ARPC1B: variants seen among roughly 807,000 people sequenced by gnomAD.
ARPC1B encodes actin related protein 2/3 complex subunit 1B.
A neutral mutation model predicts 46.0 loss-of-function variants in ARPC1B; 29 were observed. The observed-to-expected ratio is 0.63, with a 90% confidence interval of 0.47 to 0.86. The LOEUF (loss-of-function observed/expected upper bound fraction) is 0.86. ARPC1B is among the 40% of genes least tolerant of loss of function. The pLI, the probability that ARPC1B is intolerant of heterozygous loss-of-function variation, is 0.00. For synonymous variants in ARPC1B, 201 were observed against 213.9 expected (o/e 0.94, Z 0.53); for missense variants, 469 against 529.4 (o/e 0.89, Z 1.12).
rs756864602 is a variant in ARPC1B, at chr7:99,391,158, T to C, written c.708-20T>C. 6.2e-7 allele frequency: 1 copy of C among 1,613,702 alleles called. No individual in the cohort carries two copies. Among genetic ancestry groups the C allele is most frequent in the South Asian group, 1.1e-5 (1 of 90,998 alleles). The stretch of plus-strand genomic sequence containing the variant: ...GTGCAGAGGAGTGGGACACCGTGAC[T>C]CACAGCTCTCTCCCCTCAGCGTCGC... On this transcript the variant is annotated intron_variant, in intron 6 of 9. Coordinates refer to ENST00000646101, the MANE Select transcript of ARPC1B (RefSeq NM_005720.4).
intron 1 of ARPC1B, among the ~76,000 whole-genome samples, chr7:99,380,471 A>G (rs1794179702): frequency 6.6e-6 from 1 of 152,228 alleles, no homozygotes; most frequent in African/African-American, 2.4e-5. Flanking sequence ...TATTTCTGCT[A>G]ATTCATGCTG....
rs986943710 is a variant in ARPC1B at position 99,380,154 on chromosome 7, G to A, written c.-14+5373G>A. ...AATTGGCAGGCGGGGGTGAGCACAC[G>A]CTGGCTCACGCAGGCTTGGTAGGTG... On this transcript the variant is annotated intron_variant, in intron 1 of 9. Coordinates refer to ENST00000646101, the MANE Select transcript of ARPC1B (RefSeq NM_005720.4). Among the ~76,000 whole-genome samples the A allele has an allele frequency of 5.3e-5, 8 of 152,184 alleles. No homozygotes were observed. The South Asian group carries it at 8.3e-4, about 16-fold the overall frequency.
intron 7 of ARPC1B, 104 bp downstream of exon 7, chr7:99,391,357 T>C (rs1794566588): frequency 1.6e-6 from 2 of 1,233,058 alleles, no homozygotes; most frequent in African/African-American, 1.5e-5. Flanking sequence ...CCCTCCTTTT[T>C]TTCTTCCTTG....
Position 99,389,974 on chromosome 7 carries a change from T to A in ARPC1B, c.462T>A (p.Asn154Lys), listed in dbSNP as rs766136466. The A allele has an allele frequency of 6.2e-7, 1 of 1,613,986 alleles. No homozygotes were observed. The highest frequency in any genetic ancestry group is 1.3e-5 in the African/African-American group (1 of 74,920). ...TVLSLDWHPN[N>K]VLLAAGSCDF... is the part of the protein sequence containing the mutation. ...TCAGCCTGGACTGGCACCCCAACAA[T>A]GTGCTGCTGGCTGCCGGCTCCTGTG... The change falls in exon 5 of 10, where the codon AAT becomes AAA. Residue 154 changes from asparagine (N) to lysine (K), a missense_variant. Asn to Lys is a moderately conservative substitution (Grantham distance 94). Coordinates refer to ENST00000646101, the MANE Select transcript of ARPC1B (RefSeq NM_005720.4).
At position 99,386,549 on chromosome 7, in the gene ARPC1B, G is replaced by T. The variant is rs763067121; in HGVS notation, c.65-136G>T. The T allele has an allele frequency of 1.9e-5, 15 of 805,224 alleles. 1 individual carries two copies. In the South Asian group the frequency reaches 2.0e-4, roughly 11 times the overall value. The allele number at this position is 805,224 out of a possible 1,614,324, so 49.9% of individuals were successfully genotyped here. A position where few individuals can be genotyped will look rare whatever the true frequency, so the allele number is the denominator to read the frequency against. On this transcript the variant is annotated intron_variant, in intron 2 of 9. Coordinates refer to ENST00000646101, the MANE Select transcript of ARPC1B (RefSeq NM_005720.4). ...CTAGCAGGGCCTGAAGGACTTCAGG[G>T]GGCCCCTGCAAGGCAGAAGAGGAGA...
Position 99,385,721 on chromosome 7 carries a change from T to C in ARPC1B, c.7T>C (p.Tyr3His). 6.2e-7 allele frequency: 1 copy of C among 1,610,662 alleles called. No homozygotes were observed. The highest frequency in any genetic ancestry group is 1.7e-5 in the Admixed American group (1 of 59,684). The change falls in exon 2 of 10, where the codon TAC (tyrosine) becomes CAC (histidine). Residue 3 changes from tyrosine (Y) to histidine (H), a missense_variant. Coordinates refer to ENST00000646101, the MANE Select transcript of ARPC1B (RefSeq NM_005720.4). MA[Y>H]HSFLVEPISC... ...GCACAGGAGCCAAGCCGCCATGGCCTACCACAGCTTCCTGGTGGAGCCCAT... is the reference window on the plus strand; with the variant it reads ...GCACAGGAGCCAAGCCGCCATGGCCCACCACAGCTTCCTGGTGGAGCCCAT...
intron 1 of ARPC1B, among the ~76,000 whole-genome samples, chr7:99,384,894 C>G (rs1488982276): frequency 1.4e-5 from 2 of 144,586 alleles, no homozygotes. Flanking sequence ...ATGAGTCTTG[C>G]TCTGTCACCC....
chr7:99,391,252 C>T lies in ARPC1B; in HGVS notation c.782C>T (p.Ala261Val), dbSNP rs1405172360. 8 of 1,612,930 alleles carry T rather than the reference C, an allele frequency of 5.0e-6. No homozygotes were observed. The highest frequency in any genetic ancestry group is 1.7e-5 in the Admixed American group (1 of 59,934). Residue 261 changes from alanine (A) to valine (V), a missense_variant and splice_region_variant, in exon 7 of 10, where the codon GCG becomes GTG. By Grantham distance (64) the Ala-to-Val change is moderately conservative. Coordinates refer to ENST00000646101, the MANE Select transcript of ARPC1B (RefSeq NM_005720.4). The part of the protein sequence containing the change: ...TFITDNSLVA[A>V]GHDCFPVLFT... ...ATCACAGACAACAGCCTGGTGGCAGCGGTGAGGAATAGGGAGGGGAGGGAG... is the reference window on the plus strand; with the variant it reads ...ATCACAGACAACAGCCTGGTGGCAGTGGTGAGGAATAGGGAGGGGAGGGAG...
At chr7:99,385,580 C>G in intron 1 of ARPC1B, 122 bp from the exon 2 acceptor site, 2 of 793,562 alleles carry the variant, frequency 2.5e-6, no homozygotes, top group Non-Finnish European at 2.0e-6. Context: ...AAACTGCTGC[C>G]CCTCTAAACT....
At chr7:99,388,401 A>T in intron 4 of ARPC1B, 140 bp downstream of exon 4, 1 of 808,100 alleles carries the variant, frequency 1.2e-6, no homozygotes, top group Non-Finnish European at 2.0e-6. Flanking sequence ...TCTGGGCCTC[A>T]TTCATGAGGC....
intron 4 of ARPC1B, 169 bp from the exon 5 acceptor site, chr7:99,389,736 G>A (rs1794507124): frequency 1.5e-6 from 1 of 650,216 alleles, no homozygotes; most frequent in Non-Finnish European, 2.7e-6. Context: ...GCACATCCCT[G>A]CCGCCCCAGG....
chr7:99,380,690 G>A (rs764727245), intron 1 of ARPC1B, among the ~76,000 whole-genome samples: 1 of 152,224 alleles, frequency 6.6e-6, no homozygotes, highest in African/African-American at 2.4e-5. Context: ...CAGCCACTCC[G>A]TCTTGACAGC....
Position 99,394,670 on chromosome 7 carries a change from G to A in ARPC1B, c.*181G>A, listed in dbSNP as rs868455339. On this transcript the variant is annotated 3_prime_UTR_variant, in exon 10 of 10. Transcript: ENST00000646101. ...TTTCTTACCTATTCAAGGAATACGT[G>A]CCTTTTTCTTAAATGCTTTCATTTA... The A allele has an allele frequency of 2.5e-5, 33 of 1,321,964 alleles. 1 individual carries two copies. In the South Asian group the frequency reaches 7.0e-4, roughly 28 times the overall value. 81.9% of individuals were successfully genotyped at this position (1,321,964 alleles called of 1,614,324 possible).
At chr7:99,389,801 G>A (rs902619292) in intron 4 of ARPC1B, 104 bp from the exon 5 acceptor site, 1 of 974,092 alleles carries the variant, frequency 1.0e-6, no homozygotes, top group Non-Finnish European at 1.6e-6. Context: ...CTGGGTCTTT[G>A]GTGGGCTGCA....
intron 4 of ARPC1B, 99 bp downstream of exon 4, chr7:99,388,360 C>A: frequency 8.3e-7 from 1 of 1,211,302 alleles, no homozygotes; most frequent in Non-Finnish European, 1.2e-6. Context: ...ACCCCTGTTC[C>A]CATCACCCTG....
chr7:99,388,190 C>T lies in ARPC1B; in HGVS notation c.321C>T (p.Asn107=), dbSNP rs745690290. Residue 107 remains asparagine, a synonymous_variant, in exon 4 of 10, where the codon AAC becomes AAT. Coordinates refer to ENST00000646101, the MANE Select transcript of ARPC1B (RefSeq NM_005720.4). ...RAARCVRWAP[N]ENKFAVGSGS... ...CCCGCTGCGTGCGCTGGGCCCCCAA[C>T]GAGAACAAGTTTGCTGTGGGCAGCG... 45 of 1,614,140 alleles carry T rather than the reference C, an allele frequency of 2.8e-5. No homozygotes were observed. Among genetic ancestry groups the T allele is most frequent in the Admixed American group, 3.3e-5 (2 of 60,016 alleles).
chr7:99,389,868 G>T, intron 4 of ARPC1B, 37 bp from the exon 5 acceptor site: 1 of 1,565,926 alleles, frequency 6.4e-7, no homozygotes. Flanking sequence ...CCACCTGCCT[G>T]TCCCTCTCTC....
intron 1 of ARPC1B, among the ~76,000 whole-genome samples, chr7:99,377,632 C>CT (rs201173165): frequency 2.8e-4 from 39 of 140,606 alleles, no homozygotes; most frequent in African/African-American, 5.6e-4. Context: ...TCTTCTTCTT[C>CT]TTTTTTTTTT....
intron 1 of ARPC1B, among the ~76,000 whole-genome samples, chr7:99,376,795 G>A (rs1470501498): frequency 1.3e-5 from 2 of 151,824 alleles, no homozygotes; most frequent in African/African-American, 4.8e-5. Flanking sequence ...GCTAGAACCT[G>A]GGAGGCGGAG....
Sources: allele counts gnomAD v4.1 joint callset (sites outside exome capture counted in the v4.1 genomes callset), GRCh38; gene constraint gnomAD v4.1.1; transcripts MANE v1.5; gene names NCBI Gene and HGNC (gene_info 2026-07-23, HGNC 2026-07-21).